The following CADPS variants were observed in gnomAD, a reference collection of about 807,000 sequenced individuals.
CADPS encodes the protein calcium dependent secretion activator, also known as calcium-dependent secretion activator 1.
A neutral mutation model predicts 167.3 loss-of-function variants in CADPS; 57 were observed. The ratio of observed to expected loss-of-function variants is 0.34; its 90% CI spans 0.28 to 0.42. The LOEUF is 0.42. Among genes scored for constraint, CADPS ranks in the 20% least tolerant of loss-of-function variants. CADPS has a pLI of 1.00. For missense variants in CADPS, 1,414 were observed against 1,738.1 expected (o/e 0.81, Z 3.32); for synonymous variants, 676 against 635.3 (o/e 1.06, Z -0.96).
chr3:62,594,469 G>A (rs2086852467), intron 6 of CADPS, among the ~76,000 whole-genome samples: 2 of 152,122 alleles, frequency 1.3e-5, no homozygotes, highest in Non-Finnish European at 2.9e-5. Flanking sequence ...CCCTCATTAT[G>A]ATTTTTAATG....
At chr3:62,824,706 A>G (rs570506526) in intron 1 of CADPS, among the ~76,000 whole-genome samples, 6 of 152,172 alleles carry the variant, frequency 3.9e-5, no homozygotes, top group African/African-American at 4.8e-5. Flanking sequence ...AGGTAATTCT[A>G]TAAAGTCTGC....
intron 8 of CADPS, among the ~76,000 whole-genome samples, chr3:62,577,146 C>T (rs1299700160): frequency 3.3e-5 from 5 of 152,100 alleles, no homozygotes; most frequent in African/African-American, 4.8e-5. Flanking sequence ...CTCAGTGTCC[C>T]TCTGCTCTGG....
At chr3:62,426,807 C>A (rs1383600489) in intron 28 of CADPS, among the ~76,000 whole-genome samples, 1 of 151,754 alleles carries the variant, frequency 6.6e-6, no homozygotes, top group Non-Finnish European at 1.5e-5. Flanking sequence ...GTGGCTCACT[C>A]CTGTAATCCC....
At chr3:62,466,107 G>A (rs942127777) in intron 25 of CADPS, among the ~76,000 whole-genome samples, 2 of 152,048 alleles carry the variant, frequency 1.3e-5, no homozygotes, top group Non-Finnish European at 2.9e-5. Context: ...CTAGCGCAAC[G>A]TTTGGGGACA....
intron 6 of CADPS, chr3:62,625,925 G>T (rs1217671054): frequency 6.6e-6 from 1 of 150,984 alleles, no homozygotes; most frequent in Admixed American, 6.6e-5. Context: ...GCTGCATCCT[G>T]AAAACAGGGT....
chr3:62,651,023 G>C lies in CADPS; in HGVS notation c.1027C>G (p.Leu343Val). 6.2e-7 allele frequency: 1 copy of C among 1,614,100 alleles called. No individual in the cohort carries two copies. Among genetic ancestry groups the C allele is most frequent in the Non-Finnish European group, 8.5e-7 (1 of 1,179,964 alleles). The change falls in exon 5 of 30, where the codon CTG (leucine) becomes GTG (valine). Residue 343 changes from leucine (L) to valine (V), a missense_variant. Leu to Val is a conservative substitution (Grantham distance 32). This residue lies in a region of CADPS where 522 missense variants were observed against 559.5 expected (regional missense o/e 0.93). Transcript: ENST00000383710. ...ATGAGCAGGTTGACAGATGACTTCAGCTCCTCAATGTACATGTTTTCCATT... is the reference window on the plus strand; with the variant it reads ...ATGAGCAGGTTGACAGATGACTTCACCTCCTCAATGTACATGTTTTCCATT... Reference protein sequence around the residue: ...KEMENMYIEELKSSVNLLMAN... With the variant: ...KEMENMYIEEVKSSVNLLMAN...
intron 17 of CADPS, among the ~76,000 whole-genome samples, chr3:62,501,433 T>A (rs2065750931): frequency 1.3e-5 from 2 of 152,218 alleles, no homozygotes; most frequent in Admixed American, 1.3e-4. Flanking sequence ...AGGCTACTAT[T>A]TTTTGTTCGT....
At chr3:62,709,565 G>A (rs2151758118) in intron 3 of CADPS, among the ~76,000 whole-genome samples, 1 of 152,098 alleles carries the variant, frequency 6.6e-6, no homozygotes, top group Admixed American at 6.5e-5. Flanking sequence ...GCTATTTGTT[G>A]CTCTCCTACT....
At chr3:62,518,873 A>C (rs1415823271) in intron 13 of CADPS, among the ~76,000 whole-genome samples, 1 of 152,134 alleles carries the variant, frequency 6.6e-6, no homozygotes, top group Non-Finnish European at 1.5e-5. Flanking sequence ...CGATGTTCAG[A>C]TTTATTTAAG....
At chr3:62,474,081 G>T in intron 24 of CADPS, 92 bp downstream of exon 24, 1 of 844,740 alleles carries the variant, frequency 1.2e-6, no homozygotes, top group Non-Finnish European at 1.8e-6. Context: ...GAAACTAGCA[G>T]ACTAGGGTAG....
At chr3:62,841,058 C>T (rs1410533319) in intron 1 of CADPS, among the ~76,000 whole-genome samples, 2 of 152,264 alleles carry the variant, frequency 1.3e-5, no homozygotes, top group Admixed American at 6.5e-5. Flanking sequence ...CTCATTTACT[C>T]CATTCCCCAT....
intron 3 of CADPS, among the ~76,000 whole-genome samples, chr3:62,713,894 T>A (rs552862527): frequency 6.6e-6 from 1 of 152,336 alleles, no homozygotes; most frequent in South Asian, 2.1e-4. Flanking sequence ...TCCTGCTACT[T>A]ATAGCCTTAT....
chr3:62,599,776 T>TAAA (rs1553968775), intron 6 of CADPS, among the ~76,000 whole-genome samples: 1 of 2,272 alleles, frequency 4.4e-4, no homozygotes, highest in Non-Finnish European at 1.4e-3. Flanking sequence ...ATATAATATA[T>TAAA]ATATTATATA....
At chr3:62,765,389 AAGC>A (rs1463028034) in intron 2 of CADPS, among the ~76,000 whole-genome samples, 13 of 152,138 alleles carry the variant, frequency 8.5e-5, no homozygotes, top group African/African-American at 3.1e-4. Flanking sequence ...CCAGAAAAGA[AAGC>A]AGCATTTTTA....
intron 8 of CADPS, among the ~76,000 whole-genome samples, chr3:62,578,406 C>G (rs965958154): frequency 6.6e-6 from 1 of 151,354 alleles, no homozygotes; most frequent in Non-Finnish European, 1.5e-5. Context: ...GTCAGGAGAT[C>G]GAGACAATTC....
chr3:62,482,058 A>T (rs1160348681), intron 21 of CADPS, among the ~76,000 whole-genome samples, 189 bp from the exon 22 acceptor site: 1 of 152,240 alleles, frequency 6.6e-6, no homozygotes, highest in Non-Finnish European at 1.5e-5. Context: ...CAGAGAAATG[A>T]CAAAAGTTAA....
chr3:62,586,635 C>T (rs574927147), intron 7 of CADPS, among the ~76,000 whole-genome samples: 1 of 152,266 alleles, frequency 6.6e-6, no homozygotes, highest in South Asian at 2.1e-4. Context: ...TCTTGCTAAC[C>T]ACAAATTTCA....
rs1441135408 is a variant in CADPS at position 62,465,757 on chromosome 3, A to G, written c.3553-307T>C. Among the ~76,000 whole-genome samples the G allele has an allele frequency of 6.6e-6, 1 of 152,232 alleles. No homozygotes were observed. The highest frequency in any genetic ancestry group is 1.5e-5 in the Non-Finnish European group (1 of 68,042). On this transcript the variant is annotated intron_variant, in intron 25 of 29. Coordinates refer to ENST00000383710, the MANE Select transcript of CADPS (RefSeq NM_003716.4). This position sits in a 1 kb window ranked among gnomAD's most constrained non-coding sequence, Gnocchi z 4.1. Reference sequence around the variant, plus strand: ...ATTAAATGCACTTTTTAAAATCCAAAACTGCGCAAAGCAGTTTCTACGTTA... The same window carrying G: ...ATTAAATGCACTTTTTAAAATCCAAGACTGCGCAAAGCAGTTTCTACGTTA...
intron 1 of CADPS, among the ~76,000 whole-genome samples, chr3:62,781,532 A>T (rs2091613618): frequency 6.6e-6 from 1 of 152,166 alleles, no homozygotes; most frequent in African/African-American, 2.4e-5. Flanking sequence ...GACTCCCAGC[A>T]TGGGCAGCCA....
Sources: allele counts gnomAD v4.1 joint callset (sites outside exome capture counted in the v4.1 genomes callset), GRCh38; gene constraint gnomAD v4.1.1; regional missense constraint gnomAD v4.1.1; non-coding constraint Gnocchi (gnomAD v3.1); transcripts MANE v1.5; gene names NCBI Gene and HGNC (gene_info 2026-07-23, HGNC 2026-07-21).